The following TMEM214 variants were observed in gnomAD, a reference collection of about 807,000 sequenced individuals.
The protein encoded by TMEM214 is transmembrane protein 214.
A neutral mutation model predicts 89.8 loss-of-function variants in TMEM214; 71 were observed. The observed-to-expected ratio is 0.79, with a 90% CI of 0.65 to 0.96. The LOEUF is 0.96. Ranked by LOEUF, TMEM214 falls within the 40% of genes least tolerant of loss-of-function variation. The pLI is 0.00. For missense variants in TMEM214, 754 were observed against 843.4 expected, an observed-to-expected ratio of 0.89 and a Z score of 1.31; for synonymous variants, 332 against 349.5, an observed-to-expected ratio of 0.95 and a Z score of 0.56.
chr2:27,037,130 T>C lies in TMEM214; in HGVS notation c.962T>C (p.Phe321Ser). The change falls in exon 8 of 17, where the codon TTC becomes TCC. Residue 321 changes from phenylalanine (F) to serine (S), a missense_variant. Phe to Ser is a radical substitution (Grantham distance 155). Coordinates refer to ENST00000238788, the MANE Select transcript of TMEM214 (RefSeq NM_017727.5). ...GFGMIGPKDF[F>S]PLLDFAYMPN... ...GGCATGATTGGCCCCAAGGACTTCT[T>C]CCCACTTCTGGACTTTGCCTATATG... 1 of 1,614,064 alleles carries C rather than the reference T, an allele frequency of 6.2e-7. No homozygotes were observed. Among genetic ancestry groups the C allele is most frequent in the Non-Finnish European group, 8.5e-7 (1 of 1,179,998 alleles).
At chr2:27,040,644 C>A in intron 16 of TMEM214, 67 bp from the exon 17 acceptor site, 1 of 1,599,338 alleles carries the variant, frequency 6.3e-7, no homozygotes, top group Non-Finnish European at 8.5e-7. Context: ...TGGGTCTAAG[C>A]TTTCATCCCC....
Position 27,035,221 on chromosome 2 carries a change from C to T in TMEM214, c.438C>T (p.Ala146=), listed in dbSNP as rs1558395351. The T allele has an allele frequency of 3.1e-6, 5 of 1,614,180 alleles. No homozygotes were observed. Among genetic ancestry groups the T allele is most frequent in the African/African-American group, 1.3e-5 (1 of 75,040 alleles). Reference sequence around the variant, plus strand: ...CATCCATATGGTTGAAGGACCTGGCCAGCTATCTCAACTACAAGCTACAAG... The same window carrying T: ...CATCCATATGGTTGAAGGACCTGGCTAGCTATCTCAACTACAAGCTACAAG... ...GNPSIWLKDL[A]SYLNYKLQAP... The change falls in exon 3 of 17, where the codon GCC becomes GCT. Residue 146 remains alanine (A), a synonymous_variant. Coordinates refer to ENST00000238788, the MANE Select transcript of TMEM214 (RefSeq NM_017727.5).
In TMEM214 at chr2:27,040,865, G is replaced by C. The variant is rs199674846; in HGVS notation, c.*28G>C. The C allele has an allele frequency of 6.2e-7, 1 of 1,609,024 alleles. No individual in the cohort carries two copies. The highest frequency in any genetic ancestry group is 8.5e-7 in the Non-Finnish European group (1 of 1,175,996). ...CCTGCCTTCCTGGCCACTGATTTCTGCATGGGTAGACCATCCAAGACTGCA... is the reference window on the plus strand; with the variant it reads ...CCTGCCTTCCTGGCCACTGATTTCTCCATGGGTAGACCATCCAAGACTGCA... On this transcript the variant is annotated 3_prime_UTR_variant, in exon 17 of 17. Coordinates refer to ENST00000238788, the MANE Select transcript of TMEM214 (RefSeq NM_017727.5).
rs1667402078 is a variant in TMEM214 at position 27,033,080 on chromosome 2, T to G, written c.65T>G (p.Val22Gly). ...GTGAAGAAGGGTCGGCGGCCTGGGG[T>G]CGGCGCCGGCGCCGGCGGCCGAGGA... ...EVVKKGRRPG[V>G]GAGAGGRGGG... Residue 22 changes from valine to glycine, a missense_variant, in exon 1 of 17, where the codon GTC becomes GGC. Transcript: ENST00000238788. The G allele has an allele frequency of 2.4e-6, 3 of 1,241,858 alleles. No individual in the cohort carries two copies. Among genetic ancestry groups the G allele is most frequent in the East Asian group, 3.2e-5 (1 of 31,254 alleles). 76.9% of individuals were successfully genotyped at this position (1,241,858 alleles called of 1,614,324 possible).
At chr2:27,039,906 ACAGT>A (rs1667755071) in intron 14 of TMEM214, 69 bp downstream of exon 14, 3 of 1,475,408 alleles carry the variant, frequency 2.0e-6, no homozygotes, top group Non-Finnish European at 2.8e-6. Flanking sequence ...GGAGGAGGCG[ACAGT>A]CAGTGGGAAG....
rs1016130142 is a variant in TMEM214, at chr2:27,040,754, G to A, written c.1987G>A (p.Ala663Thr). 8 of 1,614,124 alleles carry A rather than the reference G, an allele frequency of 5.0e-6. No homozygotes were observed. The highest frequency in any genetic ancestry group is 6.8e-6 in the Non-Finnish European group (8 of 1,180,022). ...CTGCATGAAGACACAGCTCAGTGAG[G>A]CTGTCCACTGGACCTGGCTTTGCCT... ...WDCMKTQLSE[A>T]VHWTWLCLQD... Residue 663 changes from alanine to threonine, a missense_variant, in exon 17 of 17, where the codon GCT becomes ACT. Physicochemically the swap from Ala to Thr is moderately conservative, Grantham distance 58 (BLOSUM62 0). Transcript: ENST00000238788.
Position 27,035,287 on chromosome 2 carries a change from TA to T in TMEM214, c.502+4del. 1 of 1,614,252 alleles carries T rather than the reference TA, an allele frequency of 6.2e-7. No homozygotes were observed. Among genetic ancestry groups the T allele is most frequent in the Non-Finnish European group, 8.5e-7 (1 of 1,180,042 alleles). Reference sequence around the variant, plus strand: ...CCACGCTGAGCCAGCATACTCATGGTAAGTCCTTCCAGCTTCCTCAAGCTCA... The same window carrying T: ...CCACGCTGAGCCAGCATACTCATGGTAGTCCTTCCAGCTTCCTCAAGCTCA... On this transcript the variant is annotated splice_donor_region_variant and intron_variant, in intron 3 of 16. Transcript: ENST00000238788.
intron 1 of TMEM214, among the ~76,000 whole-genome samples, chr2:27,033,466 G>A (rs532494662): frequency 3.3e-5 from 5 of 152,292 alleles, no homozygotes; most frequent in Admixed American, 2.0e-4. Context: ...GCTGCCCAGG[G>A]CCCTAGCTGG....
chr2:27,037,903 T>A, intron 9 of TMEM214: 1 of 1,551,548 alleles, frequency 6.4e-7, no homozygotes, highest in Non-Finnish European at 8.7e-7. Flanking sequence ...GTCTGGGTGG[T>A]TTCTGATGCC....
rs1165490453 is a variant in TMEM214, at chr2:27,040,202, A to T, written c.1791+4A>T. On this transcript the variant is annotated splice_donor_region_variant and intron_variant, in intron 15 of 16. Coordinates refer to ENST00000238788, the MANE Select transcript of TMEM214 (RefSeq NM_017727.5). The stretch of plus-strand genomic sequence containing the variant: ...TCTCACCAGTCTCTCTCAGAGGGTA[A>T]GTCAGAGACAGGGAGTCAAATAAGG... The T allele has an allele frequency of 3.1e-6, 5 of 1,605,278 alleles. No homozygotes were observed. Among genetic ancestry groups the T allele is most frequent in the Non-Finnish European group, 4.2e-6 (5 of 1,179,752 alleles).
intron 9 of TMEM214, 122 bp downstream of exon 9, chr2:27,037,824 G>T: frequency 6.3e-7 from 1 of 1,596,290 alleles, no homozygotes; most frequent in South Asian, 1.1e-5. Context: ...GCTCCCTGTT[G>T]ACAGCTGCCT....
chr2:27,040,552 C>A, intron 16 of TMEM214, 56 bp downstream of exon 16: 2 of 1,598,836 alleles, frequency 1.3e-6, no homozygotes, highest in South Asian at 2.2e-5. Flanking sequence ...TTCCCGGGCC[C>A]CAGGGACAAG....
At chr2:27,039,298 A>G (rs1667715020) in intron 13 of TMEM214, 134 bp downstream of exon 13, 2 of 739,236 alleles carry the variant, frequency 2.7e-6, no homozygotes, top group South Asian at 1.8e-5. Context: ...AACACTTTAC[A>G]GACAGATTTT....
chr2:27,038,048 G>A lies in TMEM214; in HGVS notation c.1153-98G>A, dbSNP rs1667646622. ...ACCCCTTAGGGTGGATGTGCGGCCT[G>A]GATGGCCTTGCTTACGGGAAGGGGA... On this transcript the variant is annotated intron_variant, in intron 9 of 16. Coordinates refer to ENST00000238788, the MANE Select transcript of TMEM214 (RefSeq NM_017727.5). This position sits in a 1 kb window ranked among gnomAD's most constrained non-coding sequence, Gnocchi z 4.4. 1 of 1,611,290 alleles carries A rather than the reference G, an allele frequency of 6.2e-7. No individual in the cohort carries two copies. The highest frequency in any genetic ancestry group is 1.1e-5 in the South Asian group (1 of 90,550).
intron 13 of TMEM214, chr2:27,039,414 A>G: frequency 1.7e-6 from 1 of 590,664 alleles, no homozygotes; most frequent in Non-Finnish European, 3.0e-6. Context: ...ACCTCCTTTT[A>G]ACTCCTGAGG....
Position 27,040,375 on chromosome 2 carries a change from C to T in TMEM214, c.1822C>T (p.Gln608Ter). 2 of 1,614,254 alleles carry T rather than the reference C, an allele frequency of 1.2e-6. No homozygotes were observed. Among genetic ancestry groups the T allele is most frequent in the Non-Finnish European group, 8.5e-7 (1 of 1,180,042 alleles). ...LQIQLPDSVN[Q>*]LLRYLRELPL... ...GATCCAGCTCCCCGATTCCGTGAAT[C>T]AGCTACTCCGCTATCTGAGAGAGCT... The change falls in exon 16 of 17, where the codon CAG becomes TAG. Residue 608 changes from glutamine to a stop codon, truncating the protein, a stop_gained. Coordinates refer to ENST00000238788, the MANE Select transcript of TMEM214 (RefSeq NM_017727.5). LOFTEE classifies it high-confidence loss of function.
chr2:27,041,040 C>T lies in TMEM214; in HGVS notation c.*203C>T. On this transcript the variant is annotated 3_prime_UTR_variant, in exon 17 of 17. Coordinates refer to ENST00000238788, the MANE Select transcript of TMEM214 (RefSeq NM_017727.5). Reference sequence around the variant, plus strand: ...GCATCTCAGCCTCCTACCCACAATTCCACTGAACACTTTTCTGGCCCTACT... The same window carrying T: ...GCATCTCAGCCTCCTACCCACAATTTCACTGAACACTTTTCTGGCCCTACT... The T allele has an allele frequency of 1.6e-6, 1 of 610,400 alleles. No individual in the cohort carries two copies. The highest frequency in any genetic ancestry group is 2.8e-6 in the Non-Finnish European group (1 of 354,142). 37.8% of individuals were successfully genotyped at this position (610,400 alleles called of 1,614,324 possible).
In TMEM214 at chr2:27,035,398, G is replaced by A; in HGVS notation, c.502+113G>A. 4 of 1,467,270 alleles carry A rather than the reference G, an allele frequency of 2.7e-6. No homozygotes were observed. In the South Asian group the frequency reaches 3.7e-5, roughly 14 times the overall value. 90.9% of individuals were successfully genotyped at this position (1,467,270 alleles called of 1,614,324 possible). Reference sequence around the variant, plus strand: ...CTGATTTCCATGGGTGATTTGGGCTGGTCTCAAATCATCGTGACTGTGAAT... The same window carrying A: ...CTGATTTCCATGGGTGATTTGGGCTAGTCTCAAATCATCGTGACTGTGAAT... On this transcript the variant is annotated intron_variant, in intron 3 of 16. Transcript: ENST00000238788.
Position 27,036,769 on chromosome 2 carries a change from C to G in TMEM214, c.891C>G (p.Tyr297Ter). The change falls in exon 7 of 17, where the codon TAC becomes TAG. Residue 297 changes from tyrosine (Y) to a stop codon, truncating the protein, a stop_gained. Coordinates refer to ENST00000238788, the MANE Select transcript of TMEM214 (RefSeq NM_017727.5). LOFTEE classifies it high-confidence loss of function. ...CTCTGTCTCCCTTTGCCATCACATA[C>G]CTGGATCGGCTGCTCCTGTGAGTAA... is the stretch of plus-strand genomic sequence containing the variant. ...IKSLSPFAIT[Y>*]LDRLLLMHPN... 2 of 1,614,114 alleles carry G rather than the reference C, an allele frequency of 1.2e-6. No individual in the cohort carries two copies. The highest frequency in any genetic ancestry group is 1.7e-6 in the Non-Finnish European group (2 of 1,180,016).
Sources: gnomAD v4.1 joint callset for allele counts (sites outside exome capture counted in the v4.1 genomes callset) on GRCh38, gnomAD v4.1.1 for gene constraint, Gnocchi (gnomAD v3.1) non-coding constraint, MANE v1.5 for transcripts, NCBI Gene and HGNC (gene_info 2026-07-23, HGNC 2026-07-21) for gene names.